TCF4: variants seen among roughly 807,000 people sequenced by gnomAD.
TCF4 encodes the protein transcription factor 4, also known as SL3-3 enhancer factor 2.
A neutral mutation model predicts 82.1 loss-of-function variants in TCF4; 3 were observed. The ratio of observed to expected loss-of-function variants is 0.04; its 90% CI spans 0.02 to 0.09. TCF4 has a LOEUF of 0.09. Ranked by LOEUF, TCF4 falls within the 10% of genes least tolerant of loss-of-function variation. TCF4 has a pLI of 1.00. For missense variants in TCF4, 518 were observed against 852.7 expected (o/e 0.61, Z 4.89); for synonymous variants, 276 against 309.6 (o/e 0.89, Z 1.14).
chr18:55,570,497 G>A (rs1335564397), intron 3 of TCF4, among the ~76,000 whole-genome samples: 1 of 152,026 alleles, frequency 6.6e-6, no homozygotes, highest in Non-Finnish European at 1.5e-5. Flanking sequence ...TAGAAAATGG[G>A]GGCGGGGTAG....
intron 8 of TCF4, among the ~76,000 whole-genome samples, chr18:55,309,497 G>A (rs958066476): frequency 3.3e-5 from 5 of 152,182 alleles, no homozygotes; most frequent in African/African-American, 1.2e-4. Flanking sequence ...TGTGAAATGG[G>A]ATGATGACTC....
chr18:55,460,025 C>G (rs1462607915), intron 5 of TCF4, among the ~76,000 whole-genome samples: 2 of 152,040 alleles, frequency 1.3e-5, no homozygotes, highest in African/African-American at 4.8e-5. Flanking sequence ...ATTCAAGGAC[C>G]TGAAGTAACT....
At chr18:55,588,380 C>T, upstream of TCF4, 1 of 1,529,588 alleles carries the variant, frequency 6.5e-7, no homozygotes, top group Non-Finnish European at 8.7e-7. Flanking sequence ...TAGGATGCAT[C>T]CCCCTCGCAC....
intron 3 of TCF4, among the ~76,000 whole-genome samples, chr18:55,523,718 C>G (rs1281220460): frequency 6.6e-6 from 1 of 150,572 alleles, no homozygotes; most frequent in Non-Finnish European, 1.5e-5. Context: ...TGTTACAGTA[C>G]TGAACTAATA....
intron 16 of TCF4, 123 bp downstream of exon 16, chr18:55,234,425 T>G: frequency 7.2e-7 from 1 of 1,389,268 alleles, no homozygotes; most frequent in Admixed American, 1.9e-5. Flanking sequence ...ACCATTTTTG[T>G]GCCCAATTTG....
chr18:55,471,863 T>C (rs1420996589), intron 3 of TCF4, among the ~76,000 whole-genome samples: 2 of 152,038 alleles, frequency 1.3e-5, no homozygotes, highest in East Asian at 1.9e-4. Flanking sequence ...TCAGAGCTAA[T>C]GGATTTCCTA....
At chr18:55,350,792 G>A in intron 7 of TCF4, 82 bp downstream of exon 7, 5 of 1,591,790 alleles carry the variant, frequency 3.1e-6, no homozygotes, top group East Asian at 2.3e-5. Context: ...GGTAGGATGG[G>A]GGGGCGATAT....
intron 10 of TCF4, among the ~76,000 whole-genome samples, chr18:55,272,633 A>T (rs2060624858): frequency 6.6e-6 from 1 of 152,116 alleles, no homozygotes; most frequent in Non-Finnish European, 1.5e-5. Context: ...TAAGAATAAA[A>T]TCATGCTTTG....
At chr18:55,614,125 T>C (rs1291550594) in intron 2 of TCF4, among the ~76,000 whole-genome samples, 2 of 152,104 alleles carry the variant, frequency 1.3e-5, no homozygotes, top group African/African-American at 4.8e-5. Context: ...GAACTCCTAT[T>C]CTCAAGTGAG....
intron 13 of TCF4, among the ~76,000 whole-genome samples, chr18:55,259,324 C>T (rs567982819): frequency 1.8e-4 from 28 of 152,158 alleles, no homozygotes; most frequent in African/African-American, 6.3e-4. Flanking sequence ...GTCTCTTAAA[C>T]GGACCCCTGA....
intron 6 of TCF4, among the ~76,000 whole-genome samples, chr18:55,397,730 G>A (rs937833654): frequency 6.6e-6 from 1 of 151,872 alleles, no homozygotes; most frequent in African/African-American, 2.4e-5. Flanking sequence ...AATCTCTTTA[G>A]GGATAATAAC....
chr18:55,277,097 T>C (rs1263172639), intron 9 of TCF4, among the ~76,000 whole-genome samples: 1 of 152,206 alleles, frequency 6.6e-6, no homozygotes, highest in Admixed American at 6.5e-5. Context: ...TTCACCTTAA[T>C]TGCATATTCC....
intron 3 of TCF4, among the ~76,000 whole-genome samples, chr18:55,512,998 C>G (rs1034034211): frequency 5.3e-5 from 8 of 152,110 alleles, no homozygotes; most frequent in Non-Finnish European, 1.5e-5. Flanking sequence ...TAACTGGTAA[C>G]AAACTCATGG....
chr18:55,414,753 G>C (rs2094468829), intron 5 of TCF4, among the ~76,000 whole-genome samples: 1 of 152,142 alleles, frequency 6.6e-6, no homozygotes, highest in Non-Finnish European at 1.5e-5. Flanking sequence ...TGGGAGTAAA[G>C]AGACCATCAG....
intron 8 of TCF4, among the ~76,000 whole-genome samples, chr18:55,345,367 A>C (rs1179725960): frequency 1.3e-5 from 2 of 151,686 alleles, no homozygotes; most frequent in African/African-American, 2.4e-5. Context: ...CACACACACA[A>C]AAATACTTTC....
At chr18:55,493,952 T>C (rs1361693689) in intron 3 of TCF4, among the ~76,000 whole-genome samples, 1 of 152,104 alleles carries the variant, frequency 6.6e-6, no homozygotes, top group African/African-American at 2.4e-5. Flanking sequence ...TAATGTGAGG[T>C]GGTGAAACCA....
chr18:55,347,020 G>C (rs1019406495), intron 8 of TCF4, among the ~76,000 whole-genome samples: 7 of 152,236 alleles, frequency 4.6e-5, no homozygotes, highest in Middle Eastern at 3.4e-3. Flanking sequence ...CAAATTTGTT[G>C]AAATGAGCAG....
rs1295691026 is a variant in TCF4 at position 55,298,415 on chromosome 18, G to A, written c.550-18759C>T. Reference sequence around the variant, plus strand: ...ATCTCTCCAGCACAGCTGCTGTTAAGTGACCCACCATGTTCGAAGACAGGC... The same window carrying A: ...ATCTCTCCAGCACAGCTGCTGTTAAATGACCCACCATGTTCGAAGACAGGC... On this transcript the variant is annotated intron_variant, in intron 8 of 19. Transcript: ENST00000354452. 2.0e-5 allele frequency among the ~76,000 whole-genome samples: 3 copies of A among 152,170 alleles called. No individual in the cohort carries two copies. The East Asian group carries it at 5.8e-4, about 29-fold the overall frequency.
chr18:55,635,947 C>G, exon 1 of TCF4: 1 of 1,583,342 alleles, frequency 6.3e-7, no homozygotes, highest in Non-Finnish European at 8.6e-7. Flanking sequence ...AAAGGTGATA[C>G]TGTAGACATC....
Sources: gnomAD v4.1 joint callset for allele counts (sites outside exome capture counted in the v4.1 genomes callset) on GRCh38, gnomAD v4.1.1 for gene constraint, MANE v1.5 for transcripts, NCBI Gene and HGNC (gene_info 2026-07-23, HGNC 2026-07-21) for gene names.